FAM228B: variants seen among roughly 807,000 people sequenced by gnomAD.
FAM228B encodes the protein protein FAM228B.
In FAM228B, 38 loss-of-function variants were observed where a neutral mutation model predicts 42.6. The observed-to-expected ratio is 0.89, with a 90% CI of 0.69 to 1.17. FAM228B has a LOEUF of 1.17. Among genes scored for constraint, FAM228B ranks in the 50% most tolerant of loss-of-function variants. The probability of loss-of-function intolerance (pLI) is 0.00; values close to 1 mark genes in which losing one functional copy is unlikely to be tolerated. For synonymous variants in FAM228B, 109 were observed against 122.3 expected (o/e 0.89, Z 0.72); for missense variants, 344 against 367.3 (o/e 0.94, Z 0.52).
At chr2:24,124,481 G>C (rs778177806) in intron 2 of FAM228B, 21 bp downstream of exon 2, 1 of 1,468,738 alleles carries the variant, frequency 6.8e-7, no homozygotes, top group East Asian at 2.5e-5. Context: ...AATAGTGTGG[G>C]ATTTGGAGAT....
chr2:24,155,520 TA>T, intron 7 of FAM228B, among the ~76,000 whole-genome samples: 2 of 23,282 alleles, frequency 8.6e-5, no homozygotes, highest in African/African-American at 2.7e-4. Flanking sequence ...TATATATATA[TA>T]TATATATATA....
Position 24,111,754 on chromosome 2 carries a change from A to G in FAM228B, c.-121+16525A>G, listed in dbSNP as rs1461814341. Among the ~76,000 whole-genome samples the G allele has an allele frequency of 2.0e-5, 3 of 152,072 alleles. No homozygotes were observed. The East Asian group carries it at 5.8e-4, about 29-fold the overall frequency. ...CTCAGCTAGTTCAAATGTCTGCAGT[A>G]TTTCCTCTCATCCTCACCCACTGGG... On this transcript the variant is annotated intron_variant, in intron 3 of 10. Coordinates refer to the FAM228B transcript ENST00000613899.
chr2:24,077,812 CCCT>C lies in FAM228B; in HGVS notation c.-290+848_-290+850del, dbSNP rs1558357385. ...AGCCTGGGGAGAGAGCCTCACCCTGCCCTCCTCATCCTCCTCAGCCTTCTTGCT... is the reference window on the plus strand; with the variant it reads ...AGCCTGGGGAGAGAGCCTCACCCTGCCCTCATCCTCCTCAGCCTTCTTGCT... On this transcript the variant is annotated intron_variant, in intron 1 of 10. Transcript: ENST00000613899. This position sits in a 1 kb window ranked among gnomAD's most constrained non-coding sequence, Gnocchi z 5.5. 6.4e-7 allele frequency: 1 copy of C among 1,556,836 alleles called. No individual in the cohort carries two copies. The highest frequency in any genetic ancestry group is 8.7e-7 in the Non-Finnish European group (1 of 1,146,762).
At chr2:24,160,630 G>A (rs1558395291) in intron 7 of FAM228B, among the ~76,000 whole-genome samples, 1 of 151,870 alleles carries the variant, frequency 6.6e-6, no homozygotes, top group Non-Finnish European at 1.5e-5. Context: ...ATTCCCAATA[G>A]GCTCTTATTG....
chr2:24,165,788 T>C (rs1017450655), intron 9 of FAM228B: 20 of 225,316 alleles, frequency 8.9e-5, no homozygotes, highest in African/African-American at 4.5e-4. Flanking sequence ...ATGCCTATAA[T>C]CCCAGCACTT....
At chr2:24,122,575 T>C (rs775015451), upstream of FAM228B, 5 of 1,397,458 alleles carry the variant, frequency 3.6e-6, no homozygotes, top group South Asian at 2.3e-5. Flanking sequence ...GTTGAAGCCA[T>C]TGACTCTGGC....
upstream of FAM228B, chr2:24,121,402 G>A (rs901677542): frequency 1.8e-6 from 2 of 1,135,344 alleles, no homozygotes; most frequent in Non-Finnish European, 2.5e-6. Flanking sequence ...AGCTAAGAAT[G>A]GTTTTCATGT....
At position 24,162,357 on chromosome 2, in the gene FAM228B, A is replaced by G. The variant is rs189573787; in HGVS notation, c.794+744A>G. Among the ~76,000 whole-genome samples, 26 of 152,322 alleles carry G rather than the reference A, an allele frequency of 1.7e-4. 1 individual carries two copies. Among genetic ancestry groups the G allele is most frequent in the Admixed American group, 1.6e-3 (25 of 15,304 alleles). On this transcript the variant is annotated intron_variant, in intron 8 of 10. Coordinates refer to ENST00000615575, the MANE Select transcript of FAM228B (RefSeq NM_001145710.2). The stretch of plus-strand genomic sequence containing the variant: ...GTACATACTATCAAATACTATGTAT[A>G]TAATGTGGGGAATCATCTCAGCTAA...
At chr2:24,124,257 C>A in intron 1 of FAM228B, 73 bp from the exon 2 acceptor site, 1 of 749,510 alleles carries the variant, frequency 1.3e-6, no homozygotes, top group Non-Finnish European at 2.2e-6. Context: ...TGTGCAAGGA[C>A]ACAGGTGGTA....
In FAM228B at chr2:24,166,054, A is replaced by AAAAATATATAT. The variant is rs56146407; in HGVS notation, c.933-1572_933-1571insAAATATATATA. The AAAAATATATAT allele has an allele frequency of 1.2e-3, 99 of 81,040 alleles. 1 individual carries two copies. Among genetic ancestry groups the AAAAATATATAT allele is most frequent in the African/African-American group, 3.5e-3 (88 of 24,884 alleles). The allele number at this position is 81,040 out of a possible 1,614,324, so 5.0% of individuals were successfully genotyped here. A position where few individuals can be genotyped will look rare whatever the true frequency, so the allele number is the denominator to read the frequency against. On this transcript the variant is annotated intron_variant, in intron 9 of 10. Coordinates refer to ENST00000615575, the MANE Select transcript of FAM228B (RefSeq NM_001145710.2). ...CAGAACTCTGTCTAAAAAAAAAAAA[A>AAAAATATATAT]ATATATATATATATATATGTATGTA...
chr2:24,145,189 C>T lies in FAM228B; in HGVS notation c.442-1559C>T, dbSNP rs933328103. 2.0e-5 allele frequency among the ~76,000 whole-genome samples: 3 copies of T among 152,308 alleles called. No individual in the cohort carries two copies. The South Asian group carries it at 6.2e-4, about 32-fold the overall frequency. ...ACCCAAGAACTGGCCCACCTGAACC[C>T]GTAACACCGGTGCCACTGTATACTG... On this transcript the variant is annotated intron_variant, in intron 5 of 10. Coordinates refer to ENST00000615575, the MANE Select transcript of FAM228B (RefSeq NM_001145710.2).
intron 1 of FAM228B, among the ~76,000 whole-genome samples, chr2:24,078,435 G>A (rs1460708705): frequency 1.4e-5 from 2 of 147,220 alleles, no homozygotes; most frequent in Non-Finnish European, 3.0e-5. Flanking sequence ...GGCTGATTGT[G>A]CCATTGCACT....
In FAM228B at chr2:24,109,932, G is replaced by A. The variant is rs147182508; in HGVS notation, c.-121+14703G>A. ...ATTTGACCCAGCAATCCCATTACTGGGTATATACCCAAAAGAATATAAATC... is the reference window on the plus strand; with the variant it reads ...ATTTGACCCAGCAATCCCATTACTGAGTATATACCCAAAAGAATATAAATC... On this transcript the variant is annotated intron_variant, in intron 3 of 10. Coordinates refer to the FAM228B transcript ENST00000613899. Among the ~76,000 whole-genome samples the A allele has an allele frequency of 4.5e-3, 685 of 152,144 alleles. 8 individuals are homozygous for A. Among genetic ancestry groups the A allele is most frequent in the African/African-American group, 0.014 (593 of 41,492 alleles).
intron 5 of FAM228B, among the ~76,000 whole-genome samples, chr2:24,145,706 CTTTTT>C (rs34354190): frequency 3.5e-5 from 4 of 114,318 alleles, no homozygotes; most frequent in Non-Finnish European, 1.9e-5. Context: ...TTTTTTGTTC[CTTTTT>C]TTTTTTTTTT....
chr2:24,094,623 T>C (rs1665460191), intron 2 of FAM228B, among the ~76,000 whole-genome samples: 1 of 152,096 alleles, frequency 6.6e-6, no homozygotes, highest in African/African-American at 2.4e-5. Flanking sequence ...TAGCTGGGAC[T>C]ATAGGCACAT....
At chr2:24,102,333 C>A (rs933724248) in intron 3 of FAM228B, among the ~76,000 whole-genome samples, 4 of 152,142 alleles carry the variant, frequency 2.6e-5, no homozygotes, top group African/African-American at 9.7e-5. Flanking sequence ...CTTAGAGGCA[C>A]CTTGTTTCAA....
chr2:24,145,614 C>T (rs565512773), intron 5 of FAM228B, among the ~76,000 whole-genome samples: 29 of 152,270 alleles, frequency 1.9e-4, no homozygotes, highest in African/African-American at 6.5e-4. Context: ...TCTCCAGCAG[C>T]AGAGTCCAAT....
intron 3 of FAM228B, among the ~76,000 whole-genome samples, chr2:24,107,751 C>T (rs1025287952): frequency 2.6e-5 from 4 of 152,066 alleles, no homozygotes; most frequent in Non-Finnish European, 5.9e-5. Flanking sequence ...ATATGACATA[C>T]AAGAATCTCT....
intron 7 of FAM228B, among the ~76,000 whole-genome samples, chr2:24,157,022 G>C (rs1330181152): frequency 6.6e-6 from 1 of 152,110 alleles, no homozygotes; most frequent in East Asian, 1.9e-4. Flanking sequence ...GATAGGTTGT[G>C]TCACTATTAT....
Sources: gnomAD v4.1 joint callset for allele counts (sites outside exome capture counted in the v4.1 genomes callset) on GRCh38, gnomAD v4.1.1 for gene constraint, Gnocchi (gnomAD v3.1) non-coding constraint, MANE v1.5 for transcripts, NCBI Gene and HGNC (gene_info 2026-07-23, HGNC 2026-07-21) for gene names.